The following HECW2 variants were observed in gnomAD, a reference collection of about 807,000 sequenced individuals.
HECW2 encodes the protein E3 ubiquitin-protein ligase HECW2.
HECW2 carries 61 observed loss-of-function variants against 175.2 expected under a neutral mutation model. The ratio of observed to expected loss-of-function variants is 0.35; its 90% confidence interval spans 0.28 to 0.43. HECW2 has a LOEUF of 0.43. Among genes scored for constraint, HECW2 ranks in the 20% least tolerant of loss-of-function variants. The probability of loss-of-function intolerance (pLI) is 1.00; values close to 1 mark genes in which losing one functional copy is unlikely to be tolerated. For missense variants in HECW2, 1,524 were observed against 2,000.5 expected (o/e 0.76, Z 4.54); for synonymous variants, 671 against 731.0 (o/e 0.92, Z 1.32).
intron 1 of HECW2, among the ~76,000 whole-genome samples, chr2:196,564,863 T>G (rs143600782): frequency 6.6e-6 from 1 of 151,624 alleles, no homozygotes; most frequent in Non-Finnish European, 1.5e-5. Flanking sequence ...AATTGAAAAA[T>G]AAAATAGCAT....
intron 2 of HECW2, among the ~76,000 whole-genome samples, chr2:196,350,295 G>A (rs1693124445): frequency 6.6e-6 from 1 of 152,156 alleles, no homozygotes; most frequent in Non-Finnish European, 1.5e-5. Context: ...AACCTGGGAG[G>A]TGGAGGTTGC....
chr2:196,326,804 G>C (rs575630845), intron 5 of HECW2, among the ~76,000 whole-genome samples: 1 of 152,088 alleles, frequency 6.6e-6, no homozygotes, highest in Non-Finnish European at 1.5e-5. Context: ...AGGAAAAGAC[G>C]GGTAAAGAAC....
chr2:196,287,696 T>C (rs141110550), intron 14 of HECW2, among the ~76,000 whole-genome samples: 1 of 152,342 alleles, frequency 6.6e-6, no homozygotes, highest in Non-Finnish European at 1.5e-5. Context: ...ATCCACTGAT[T>C]TCATGTAATT....
intron 3 of HECW2, among the ~76,000 whole-genome samples, chr2:196,342,361 G>A (rs1204791885): frequency 1.0e-4 from 15 of 148,960 alleles, no homozygotes; most frequent in East Asian, 3.9e-4. Flanking sequence ...CCGAGATTGC[G>A]CCATTGTACT....
intron 24 of HECW2, among the ~76,000 whole-genome samples, chr2:196,221,545 T>C (rs1687671531): frequency 6.6e-6 from 1 of 152,034 alleles, no homozygotes; most frequent in African/African-American, 2.4e-5. Flanking sequence ...AAAAAATCAA[T>C]TTTGGTTCTC....
chr2:196,275,067 T>C (rs1050924593), intron 15 of HECW2, among the ~76,000 whole-genome samples: 5 of 152,346 alleles, frequency 3.3e-5, no homozygotes, highest in South Asian at 4.1e-4. Context: ...GCTGAGGATT[T>C]TTCTAAAGAC....
At chr2:196,258,256 T>TA (rs1215641318) in intron 17 of HECW2, among the ~76,000 whole-genome samples, 1 of 152,226 alleles carries the variant, frequency 6.6e-6, no homozygotes, top group African/African-American at 2.4e-5. Context: ...TTTAGCGATA[T>TA]AGTCTTACGC....
At chr2:196,492,496 T>C (rs73989943) in intron 1 of HECW2, among the ~76,000 whole-genome samples, 2,871 of 152,256 alleles carry the variant, frequency 0.019, 91 homozygotes, top group African/African-American at 0.064. Flanking sequence ...GTCCATAAAG[T>C]GTCAGCCTGT....
intron 1 of HECW2, among the ~76,000 whole-genome samples, chr2:196,504,316 C>G (rs1687679745): frequency 7.9e-6 from 1 of 127,358 alleles, no homozygotes; most frequent in Non-Finnish European, 1.7e-5. Context: ...AAAAAAAAAG[C>G]TGGTGGAGGC....
At chr2:196,272,540 C>A (rs934134027) in intron 16 of HECW2, among the ~76,000 whole-genome samples, 2 of 152,088 alleles carry the variant, frequency 1.3e-5, no homozygotes, top group South Asian at 4.1e-4. Flanking sequence ...AAGATACATG[C>A]CTTTCTTTAA....
chr2:196,278,410 A>T, intron 15 of HECW2, 118 bp downstream of exon 15: 1 of 1,152,292 alleles, frequency 8.7e-7, no homozygotes, highest in Non-Finnish European at 1.2e-6. Flanking sequence ...CCTCTAAATC[A>T]AACTCAAAAA....
At chr2:196,305,383 C>T (rs1358842697) in intron 13 of HECW2, among the ~76,000 whole-genome samples, 1 of 152,146 alleles carries the variant, frequency 6.6e-6, no homozygotes, top group Non-Finnish European at 1.5e-5. Context: ...TGAGGAAAGG[C>T]AGACAGATGT....
At position 196,280,010 on chromosome 2, in the gene HECW2, A is replaced by G. The variant is rs1381891228; in HGVS notation, c.3001-1348T>C. Reference sequence around the variant, plus strand: ...TCTGTTTGTTTAATTCTAAAACTATACAAGTGCTATCTATCATTATCCTTA... The same window carrying G: ...TCTGTTTGTTTAATTCTAAAACTATGCAAGTGCTATCTATCATTATCCTTA... On this transcript the variant is annotated intron_variant, in intron 14 of 28. Transcript: ENST00000644978. Among the ~76,000 whole-genome samples the G allele has an allele frequency of 2.0e-5, 3 of 152,344 alleles. No homozygotes were observed. In the East Asian group the frequency reaches 5.8e-4, roughly 29 times the overall value.
intron 9 of HECW2, among the ~76,000 whole-genome samples, chr2:196,317,869 C>T (rs979896393): frequency 6.6e-6 from 1 of 152,204 alleles, no homozygotes; most frequent in South Asian, 2.1e-4. Context: ...TAGAGAGCTG[C>T]ATTCACTGAG....
intron 19 of HECW2, among the ~76,000 whole-genome samples, chr2:196,244,791 A>G (rs1460994248): frequency 6.6e-6 from 1 of 152,220 alleles, no homozygotes; most frequent in African/African-American, 2.4e-5. Context: ...GAACCAAGCT[A>G]GCCTAGAGTG....
intron 2 of HECW2, among the ~76,000 whole-genome samples, chr2:196,361,441 G>A (rs1047370707): frequency 1.3e-5 from 2 of 152,168 alleles, no homozygotes; most frequent in African/African-American, 4.8e-5. Flanking sequence ...TCCAGGGACA[G>A]ATAACCGGCC....
intron 1 of HECW2, among the ~76,000 whole-genome samples, chr2:196,585,064 T>C (rs909622817): frequency 5.1e-4 from 78 of 152,212 alleles, no homozygotes; most frequent in African/African-American, 1.9e-3. Context: ...TACTTGCTAA[T>C]AATTTTCCCT....
At chr2:196,514,064 G>C (rs1688055716) in intron 1 of HECW2, among the ~76,000 whole-genome samples, 1 of 152,210 alleles carries the variant, frequency 6.6e-6, no homozygotes. Context: ...CCCAGGTACA[G>C]CAGCAGCCAC....
chr2:196,267,964 G>C (rs1352702029), intron 17 of HECW2, among the ~76,000 whole-genome samples: 1 of 152,190 alleles, frequency 6.6e-6, no homozygotes, highest in Non-Finnish European at 1.5e-5. Context: ...AAGGTCCACA[G>C]TGAACTTTGA....
Sources: allele counts gnomAD v4.1 joint callset (sites outside exome capture counted in the v4.1 genomes callset), GRCh38; gene constraint gnomAD v4.1.1; transcripts MANE v1.5; gene names NCBI Gene and HGNC (gene_info 2026-07-23, HGNC 2026-07-21).